ASIC2: variants seen among roughly 807,000 people sequenced by gnomAD.
ASIC2 encodes the protein acid sensing ion channel subunit 2, also known as acid-sensing ion channel 2.
In ASIC2, 25 loss-of-function variants were observed where a neutral mutation model predicts 57.3. That is an observed-to-expected ratio of 0.44 (90% CI 0.32 to 0.61). The LOEUF is 0.61. Among genes scored for constraint, ASIC2 ranks in the 20% least tolerant of loss-of-function variants. ASIC2 has a pLI of 0.06. For synonymous variants in ASIC2, 319 were observed against 307.5 expected (o/e 1.04, Z -0.39); for missense variants, 641 against 738.1 (o/e 0.87, Z 1.52).
chr17:34,133,086 C>A (rs1211225959), intron 1 of ASIC2, among the ~76,000 whole-genome samples: 1 of 152,150 alleles, frequency 6.6e-6, no homozygotes, highest in Non-Finnish European at 1.5e-5. Flanking sequence ...TTACTGTTAG[C>A]CAGACTCAGT....
At chr17:34,140,013 A>G (rs984366092) in intron 1 of ASIC2, among the ~76,000 whole-genome samples, 2 of 152,232 alleles carry the variant, frequency 1.3e-5, no homozygotes, top group African/African-American at 4.8e-5. Flanking sequence ...CAACACATGA[A>G]TCTTGATTGT....
At chr17:33,895,725 T>C (rs1313457595) in intron 1 of ASIC2, among the ~76,000 whole-genome samples, 1 of 152,228 alleles carries the variant, frequency 6.6e-6, no homozygotes, top group Non-Finnish European at 1.5e-5. Context: ...TAGGGAATCT[T>C]CTCTGATTAT....
rs552822935 is a variant in ASIC2, at chr17:33,418,974, G to T, written c.556-306907C>A. Among the ~76,000 whole-genome samples the T allele has an allele frequency of 5.3e-5, 8 of 151,784 alleles. No individual in the cohort carries two copies. In the South Asian group the frequency reaches 1.5e-3, roughly 28 times the overall value. On this transcript the variant is annotated intron_variant, in intron 1 of 9. Coordinates refer to the ASIC2 transcript ENST00000359872. ...GTCAGGGGTGGGGGGCTGGGGGAGG[G>T]ATAGCATTAGGAGAAATTCATAATG...
chr17:33,569,630 T>G (rs887675739), intron 1 of ASIC2, among the ~76,000 whole-genome samples: 1 of 152,176 alleles, frequency 6.6e-6, no homozygotes, highest in Non-Finnish European at 1.5e-5. Flanking sequence ...CATCCATCCA[T>G]GCACACACCC....
At chr17:33,322,011 G>A (rs1311366928) in intron 1 of ASIC2, among the ~76,000 whole-genome samples, 1 of 152,186 alleles carries the variant, frequency 6.6e-6, no homozygotes, top group Non-Finnish European at 1.5e-5. Flanking sequence ...TGGATCCTGG[G>A]AAGGACCACA....
At chr17:33,446,355 G>C (rs1037082637) in intron 1 of ASIC2, among the ~76,000 whole-genome samples, 4 of 152,094 alleles carry the variant, frequency 2.6e-5, no homozygotes, top group African/African-American at 9.7e-5. Context: ...TAAAATTTGG[G>C]TAAGAGTTAT....
chr17:33,340,461 G>A (rs1416413453), intron 1 of ASIC2, among the ~76,000 whole-genome samples: 2 of 152,056 alleles, frequency 1.3e-5, no homozygotes, highest in East Asian at 1.9e-4. Context: ...CTAGGTCAGC[G>A]CTTGGCACAC....
chr17:33,877,333 G>A (rs545135794), intron 1 of ASIC2, among the ~76,000 whole-genome samples: 141 of 152,270 alleles, frequency 9.3e-4, no homozygotes, highest in Middle Eastern at 3.4e-3. Context: ...CGCCTCGCCC[G>A]GGAAGCTCAA....
chr17:33,096,835 C>G (rs889418991), intron 2 of ASIC2, among the ~76,000 whole-genome samples: 1 of 152,178 alleles, frequency 6.6e-6, no homozygotes, highest in African/African-American at 2.4e-5. Context: ...GTGGAGGGAA[C>G]AGCAAGTGCC....
At chr17:33,560,253 A>G (rs995050849) in intron 1 of ASIC2, among the ~76,000 whole-genome samples, 5 of 152,218 alleles carry the variant, frequency 3.3e-5, no homozygotes, top group African/African-American at 1.2e-4. Flanking sequence ...CTAAAGGAAG[A>G]GAAAACAGAT....
At chr17:33,384,095 T>C (rs891860986) in intron 1 of ASIC2, among the ~76,000 whole-genome samples, 2 of 152,212 alleles carry the variant, frequency 1.3e-5, no homozygotes, top group Admixed American at 6.5e-5. Context: ...TACTCACTTC[T>C]GGCCCCCACC....
intron 1 of ASIC2, among the ~76,000 whole-genome samples, chr17:33,518,385 T>C (rs756621880): frequency 1.2e-4 from 19 of 152,170 alleles, no homozygotes; most frequent in Non-Finnish European, 2.5e-4. Flanking sequence ...AGCCCCTGCA[T>C]GATGTGGCAG....
intron 1 of ASIC2, among the ~76,000 whole-genome samples, chr17:33,142,863 T>C (rs936338467): frequency 2.0e-5 from 3 of 152,218 alleles, no homozygotes; most frequent in Admixed American, 2.0e-4. Flanking sequence ...CCGTAGATGG[T>C]AAATTTCCTT....
intron 1 of ASIC2, among the ~76,000 whole-genome samples, chr17:33,747,188 C>T (rs978807218): frequency 7.3e-5 from 11 of 150,514 alleles, no homozygotes; most frequent in African/African-American, 2.7e-4. Flanking sequence ...TCCTGCAGGG[C>T]ACGTGACACA....
chr17:33,329,696 T>C (rs1184016695), intron 1 of ASIC2, among the ~76,000 whole-genome samples: 1 of 152,242 alleles, frequency 6.6e-6, no homozygotes, highest in African/African-American at 2.4e-5. Context: ...CCTTGACCTC[T>C]GTCCCTTAAC....
chr17:33,319,766 T>C (rs1906796450), intron 1 of ASIC2, among the ~76,000 whole-genome samples: 1 of 152,196 alleles, frequency 6.6e-6, no homozygotes, highest in African/African-American at 2.4e-5. Flanking sequence ...ACTTCTGGGC[T>C]CAAGCAATTT....
At chr17:33,465,372 C>CT (rs67424466) in intron 1 of ASIC2, among the ~76,000 whole-genome samples, 2,156 of 88,244 alleles carry the variant, frequency 0.024, 49 homozygotes, top group African/African-American at 0.063. Context: ...TTTTCTTTTT[C>CT]TTTTTTTTTT....
At chr17:33,579,323 A>G (rs1916790812) in intron 1 of ASIC2, among the ~76,000 whole-genome samples, 1 of 148,720 alleles carries the variant, frequency 6.7e-6, no homozygotes, top group African/African-American at 2.5e-5. Flanking sequence ...GGTGACTCAG[A>G]TGTTGGCTCA....
chr17:33,816,382 G>C (rs556046584), intron 1 of ASIC2, among the ~76,000 whole-genome samples: 1 of 152,280 alleles, frequency 6.6e-6, no homozygotes, highest in South Asian at 2.1e-4. Context: ...AACCCACACT[G>C]TTAATGTCCA....
Sources: allele counts gnomAD v4.1 joint callset (sites outside exome capture counted in the v4.1 genomes callset), GRCh38; gene constraint gnomAD v4.1.1; transcripts MANE v1.5; gene names NCBI Gene and HGNC (gene_info 2026-07-23, HGNC 2026-07-21).